ASIC2: variants seen among roughly 807,000 people sequenced by gnomAD.
The protein encoded by ASIC2 is acid sensing ion channel subunit 2.
Under a neutral mutation model 57.3 loss-of-function variants are expected in ASIC2, and 25 were observed. The observed-to-expected ratio is 0.44, with a 90% CI of 0.32 to 0.61. ASIC2 has a LOEUF of 0.61. Among genes scored for constraint, ASIC2 ranks in the 20% least tolerant of loss-of-function variants. The probability of loss-of-function intolerance (pLI) is 0.06; values close to 1 mark genes in which losing one functional copy is unlikely to be tolerated. For synonymous variants in ASIC2, 319 were observed against 307.5 expected (o/e 1.04, Z -0.39); for missense variants, 641 against 738.1 (o/e 0.87, Z 1.52).
intron 1 of ASIC2, among the ~76,000 whole-genome samples, chr17:33,678,150 A>G (rs1262470928): frequency 6.6e-6 from 1 of 152,204 alleles, no homozygotes; most frequent in Non-Finnish European, 1.5e-5. Context: ...GGCTCAGATG[A>G]TCATCAGCAC....
intron 3 of ASIC2, among the ~76,000 whole-genome samples, chr17:33,080,114 C>A (rs61489775): frequency 0.014 from 2,180 of 152,050 alleles, 53 homozygotes; most frequent in African/African-American, 0.05. Context: ...GATGCTGTAA[C>A]CTGGGAGAGG....
chr17:33,251,471 A>G (rs1472554223), intron 1 of ASIC2, among the ~76,000 whole-genome samples: 1 of 152,192 alleles, frequency 6.6e-6, no homozygotes, highest in East Asian at 1.9e-4. Context: ...CTGAGACTAC[A>G]GGTGTATGCC....
At chr17:33,553,978 C>A (rs1266643241) in intron 1 of ASIC2, among the ~76,000 whole-genome samples, 2 of 152,304 alleles carry the variant, frequency 1.3e-5, no homozygotes, top group Non-Finnish European at 2.9e-5. Context: ...CAGTTGAGTT[C>A]TCTTCCTAGG....
At chr17:33,197,107 G>A (rs981846501) in intron 1 of ASIC2, among the ~76,000 whole-genome samples, 4 of 152,186 alleles carry the variant, frequency 2.6e-5, no homozygotes, top group South Asian at 4.1e-4. Flanking sequence ...TCTATAAAAT[G>A]GGTAGAGAGT....
At chr17:33,465,326 T>C (rs890672193) in intron 1 of ASIC2, among the ~76,000 whole-genome samples, 1 of 152,086 alleles carries the variant, frequency 6.6e-6, no homozygotes, top group East Asian at 1.9e-4. Flanking sequence ...GGTAAGTTAG[T>C]GAAATGAGTA....
At chr17:33,065,391 C>A (rs1036386705) in intron 3 of ASIC2, among the ~76,000 whole-genome samples, 2 of 151,658 alleles carry the variant, frequency 1.3e-5, no homozygotes, top group African/African-American at 4.9e-5. Context: ...CCCAGGCAGT[C>A]CTCAGAATCC....
intron 1 of ASIC2, among the ~76,000 whole-genome samples, chr17:33,312,940 A>G (rs975954940): frequency 6.6e-6 from 1 of 152,232 alleles, no homozygotes; most frequent in African/African-American, 2.4e-5. Context: ...CCTTCTCAAG[A>G]GAGTCAGTGT....
chr17:33,738,112 G>T (rs983384409), intron 1 of ASIC2, among the ~76,000 whole-genome samples: 1 of 152,126 alleles, frequency 6.6e-6, no homozygotes, highest in Non-Finnish European at 1.5e-5. Flanking sequence ...AAGACCAAAG[G>T]CTTGCATTTT....
chr17:33,473,436 A>G (rs968398266), intron 1 of ASIC2, among the ~76,000 whole-genome samples: 7 of 152,206 alleles, frequency 4.6e-5, no homozygotes, highest in Admixed American at 6.5e-5. Context: ...GACAGCCTAG[A>G]CAAGGCACCC....
At chr17:33,503,242 AG>A (rs1222006789) in intron 1 of ASIC2, among the ~76,000 whole-genome samples, 2 of 152,236 alleles carry the variant, frequency 1.3e-5, no homozygotes, top group African/African-American at 2.4e-5. Context: ...TTAGGTTAAA[AG>A]TTGTGATAAA....
chr17:33,124,180 C>T (rs968920491), intron 1 of ASIC2, among the ~76,000 whole-genome samples: 1 of 152,126 alleles, frequency 6.6e-6, no homozygotes, highest in Non-Finnish European at 1.5e-5. Flanking sequence ...AGGAACTGCT[C>T]GGAGAATGTC....
intron 1 of ASIC2, among the ~76,000 whole-genome samples, chr17:33,464,914 A>C (rs1912812954): frequency 6.6e-6 from 1 of 151,844 alleles, no homozygotes; most frequent in Non-Finnish European, 1.5e-5. Context: ...CCAACAAGGC[A>C]CTTTTTTTTC....
chr17:33,654,618 A>G (rs1346962417), intron 1 of ASIC2, among the ~76,000 whole-genome samples: 2 of 152,236 alleles, frequency 1.3e-5, no homozygotes, highest in Non-Finnish European at 2.9e-5. Context: ...ACATCTTTGT[A>G]TCTCTTAGAG....
intron 1 of ASIC2, among the ~76,000 whole-genome samples, chr17:33,567,486 G>C (rs1916274251): frequency 6.6e-6 from 1 of 152,198 alleles, no homozygotes; most frequent in African/African-American, 2.4e-5. Flanking sequence ...GCCAGGAACT[G>C]ATTTGCATTT....
chr17:34,125,619 A>G (rs557828154), intron 1 of ASIC2, among the ~76,000 whole-genome samples: 1 of 152,308 alleles, frequency 6.6e-6, no homozygotes, highest in East Asian at 1.9e-4. Context: ...GGGCTGGAGC[A>G]CTTCAGATCC....
chr17:33,178,630 CAG>C (rs1905855441), intron 1 of ASIC2, among the ~76,000 whole-genome samples: 1 of 152,148 alleles, frequency 6.6e-6, no homozygotes, highest in Non-Finnish European at 1.5e-5. Flanking sequence ...GCAGAGAAAA[CAG>C]TGTGCAGTGG....
intron 1 of ASIC2, among the ~76,000 whole-genome samples, chr17:33,491,431 A>G (rs780178128): frequency 2.6e-5 from 4 of 152,212 alleles, no homozygotes; most frequent in Non-Finnish European, 5.9e-5. Context: ...TGGCTCCTCG[A>G]AAACTTTCCA....
intron 1 of ASIC2, among the ~76,000 whole-genome samples, chr17:34,030,877 G>A (rs539051312): frequency 6.6e-6 from 1 of 152,386 alleles, no homozygotes; most frequent in South Asian, 2.1e-4. Context: ...CTCGAACTGG[G>A]TGGAGCCCAC....
chr17:33,175,649 G>A (rs1002970395), intron 1 of ASIC2, among the ~76,000 whole-genome samples: 1 of 152,068 alleles, frequency 6.6e-6, no homozygotes, highest in African/African-American at 2.4e-5. Context: ...ACATTTCTCA[G>A]TTTGTAAAAG....
Sources: allele counts gnomAD v4.1 joint callset (sites outside exome capture counted in the v4.1 genomes callset), GRCh38; gene constraint gnomAD v4.1.1; transcripts MANE v1.5; gene names NCBI Gene and HGNC (gene_info 2026-07-23, HGNC 2026-07-21).